The following SLC16A12 variants were observed in gnomAD, a reference collection of about 807,000 sequenced individuals.
SLC16A12 encodes solute carrier family 16 member 12.
Under a neutral mutation model 42.4 loss-of-function variants are expected in SLC16A12, and 17 were observed. That is an observed-to-expected ratio of 0.40 (90% confidence interval 0.27 to 0.60). The LOEUF is 0.60. SLC16A12 is among the 20% of genes least tolerant of loss of function. The pLI is 0.42. For missense variants in SLC16A12, 544 were observed against 623.0 expected (o/e 0.87, Z 1.35); for synonymous variants, 224 against 229.4 (o/e 0.98, Z 0.21).
chr10:89,441,594 G>A (rs1006091155), intron 4 of SLC16A12, among the ~76,000 whole-genome samples: 2 of 152,142 alleles, frequency 1.3e-5, no homozygotes, highest in East Asian at 3.8e-4. Context: ...GCTTACTATA[G>A]TGTTGATCAT....
At position 89,438,856 on chromosome 10, in the gene SLC16A12, G is replaced by T. The variant is rs1420649392; in HGVS notation, c.776C>A (p.Thr259Asn). The T allele has an allele frequency of 1.2e-6, 2 of 1,614,160 alleles. No homozygotes were observed. Among genetic ancestry groups the T allele is most frequent in the South Asian group, 1.1e-5 (1 of 91,086 alleles). The change falls in exon 6 of 8, where the codon ACC becomes AAC. Residue 259 changes from threonine (T) to asparagine (N), a missense_variant. Coordinates refer to ENST00000371790, the MANE Select transcript of SLC16A12 (RefSeq NM_213606.4). ...IKRVSPYSSL[T>N]KEWAQTCLCC... ...GAGGCAAGTCTGTGCCCATTCTTTGGTCAAAGATGAATAGGGAGACACCCG... is the reference window on the plus strand; with the variant it reads ...GAGGCAAGTCTGTGCCCATTCTTTGTTCAAAGATGAATAGGGAGACACCCG...
chr10:89,514,638 A>G (rs2133844243), intron 2 of SLC16A12, among the ~76,000 whole-genome samples: 1 of 152,302 alleles, frequency 6.6e-6, no homozygotes, highest in South Asian at 2.1e-4. Flanking sequence ...TTGTGACTTC[A>G]TCTAAACCTA....
At position 89,430,810 on chromosome 10, in the gene SLC16A12, A is replaced by T; in HGVS notation, c.*2254T>A. ...ATAAATACTTGTAATACTTCACAGAAATTATATTGCAGAACCACATAAACA... is the reference window on the plus strand; with the variant it reads ...ATAAATACTTGTAATACTTCACAGATATTATATTGCAGAACCACATAAACA... On this transcript the variant is annotated 3_prime_UTR_variant, in exon 8 of 8. Transcript: ENST00000371790. 2.3e-6 allele frequency: 1 copy of T among 427,314 alleles called. No homozygotes were observed. The allele number at this position is 427,314 out of a possible 1,614,324, so 26.5% of individuals were successfully genotyped here.
intron 3 of SLC16A12, among the ~76,000 whole-genome samples, chr10:89,459,449 GTGTA>G (rs1368748712): frequency 6.6e-6 from 1 of 151,980 alleles, no homozygotes; most frequent in Non-Finnish European, 1.5e-5. Context: ...AGTGTGGTGT[GTGTA>G]TGAGAATAGT....
intron 2 of SLC16A12, among the ~76,000 whole-genome samples, chr10:89,498,205 T>A (rs1842949883): frequency 6.6e-6 from 1 of 151,250 alleles, no homozygotes; most frequent in Admixed American, 6.6e-5. Context: ...CGGAGGTGGG[T>A]AGGGTAGGGG....
upstream of SLC16A12, among the ~76,000 whole-genome samples, chr10:89,539,856 T>TCTTTC (rs1326432412): frequency 6.9e-6 from 1 of 145,290 alleles, no homozygotes; most frequent in Non-Finnish European, 1.5e-5. Flanking sequence ...AAGAAACAAA[T>TCTTTC]TTTTCTTTCT....
chr10:89,462,724 A>G lies in SLC16A12; in HGVS notation c.-46-100T>C, dbSNP rs1261889027. 7 of 1,317,292 alleles carry G rather than the reference A, an allele frequency of 5.3e-6. No homozygotes were observed. In the Admixed American group the frequency reaches 1.2e-4, roughly 22 times the overall value. The allele number at this position is 1,317,292 out of a possible 1,614,324, so 81.6% of individuals were successfully genotyped here. On this transcript the variant is annotated intron_variant, in intron 2 of 7. Transcript: ENST00000371790. ...CATGATTATTACTTTCCTATTAAAT[A>G]TGAGTATTTGTAACTATGAATACTA...
At chr10:89,486,602 A>AAAAGAAAGAAAGAAAGAAAG (rs1842746935) in intron 2 of SLC16A12, among the ~76,000 whole-genome samples, 5 of 116,112 alleles carry the variant, frequency 4.3e-5, no homozygotes, top group African/African-American at 1.3e-4. Flanking sequence ...AAAAAAAAAA[A>AAAAGAAAGAAAGAAAGAAAG]AAAAGAAAGA....
chr10:89,556,136 T>G (rs79655150), intron 1 of SLC16A12, among the ~76,000 whole-genome samples: 1,849 of 152,272 alleles, frequency 0.012, 34 homozygotes, highest in African/African-American at 0.041. Context: ...ATCAATGTAT[T>G]GACAGCTTTC....
intron 2 of SLC16A12, among the ~76,000 whole-genome samples, chr10:89,482,086 C>T (rs187595694): frequency 6.0e-4 from 91 of 151,718 alleles, no homozygotes; most frequent in African/African-American, 1.8e-3. Flanking sequence ...TTTTGAATTT[C>T]GAAAAATAAT....
At chr10:89,498,538 A>C (rs1311439351) in intron 2 of SLC16A12, among the ~76,000 whole-genome samples, 1 of 152,206 alleles carries the variant, frequency 6.6e-6, no homozygotes, top group Non-Finnish European at 1.5e-5. Context: ...AAACACCTGG[A>C]ATATTATATT....
intron 2 of SLC16A12, among the ~76,000 whole-genome samples, chr10:89,523,111 G>C (rs1276119679): frequency 6.6e-6 from 1 of 152,068 alleles, no homozygotes; most frequent in Admixed American, 6.5e-5. Flanking sequence ...TTTGAACCTA[G>C]ACCTTTTCAC....
chr10:89,548,273 T>C (rs947239810), intron 2 of SLC16A12, among the ~76,000 whole-genome samples: 5 of 152,052 alleles, frequency 3.3e-5, no homozygotes, highest in African/African-American at 1.2e-4. Context: ...AGGAGGATGG[T>C]GATCATTAAC....
chr10:89,481,285 GCT>G lies in SLC16A12; in HGVS notation c.-46-18663_-46-18662del, dbSNP rs543199098. 4.6e-5 allele frequency among the ~76,000 whole-genome samples: 7 copies of G among 152,256 alleles called. No individual in the cohort carries two copies. In the South Asian group the frequency reaches 1.2e-3, roughly 27 times the overall value. On this transcript the variant is annotated intron_variant, in intron 2 of 7. Transcript: ENST00000371790. ...TTTCTGAATTTCCTGGAATACTCAT[GCT>G]CTTTTTATACAAAGTAATAAAACCA... is the stretch of plus-strand genomic sequence containing the variant.
chr10:89,446,855 G>A (rs553118837), intron 3 of SLC16A12, among the ~76,000 whole-genome samples: 11 of 152,186 alleles, frequency 7.2e-5, no homozygotes, highest in African/African-American at 2.6e-4. Flanking sequence ...GCTGTATTCA[G>A]GAAACCCATC....
intron 2 of SLC16A12, among the ~76,000 whole-genome samples, chr10:89,530,146 A>C (rs1843521588): frequency 6.6e-6 from 1 of 152,236 alleles, no homozygotes; most frequent in African/African-American, 2.4e-5. Context: ...GTTAATCCAC[A>C]TCCAGATTTC....
Position 89,495,744 on chromosome 10 carries a change from C to T in SLC16A12, c.-46-33120G>A, listed in dbSNP as rs897252295. Reference sequence around the variant, plus strand: ...ATTGAATACAGTACACTGTAGAGTACAGTACCAGTTGTTTACCATCATGAT... The same window carrying T: ...ATTGAATACAGTACACTGTAGAGTATAGTACCAGTTGTTTACCATCATGAT... On this transcript the variant is annotated intron_variant, in intron 2 of 7. Transcript: ENST00000371790. Among the ~76,000 whole-genome samples the T allele has an allele frequency of 2.6e-5, 4 of 152,160 alleles. No individual in the cohort carries two copies. The East Asian group carries it at 7.7e-4, about 29-fold the overall frequency.
At chr10:89,458,328 T>C (rs1842233458) in intron 3 of SLC16A12, among the ~76,000 whole-genome samples, 1 of 152,232 alleles carries the variant, frequency 6.6e-6, no homozygotes, top group South Asian at 2.1e-4. Context: ...ATGAGTTTCA[T>C]GCTCTTCATG....
intron 3 of SLC16A12, among the ~76,000 whole-genome samples, chr10:89,460,123 A>T (rs1842272398): frequency 6.6e-6 from 1 of 152,058 alleles, no homozygotes. Context: ...CATCATGAAG[A>T]CTCAACTACC....
Sources: allele counts gnomAD v4.1 joint callset (sites outside exome capture counted in the v4.1 genomes callset), GRCh38; gene constraint gnomAD v4.1.1; transcripts MANE v1.5; gene names NCBI Gene and HGNC (gene_info 2026-07-23, HGNC 2026-07-21).